The following TYW1 variants were observed in gnomAD, a reference collection of about 807,000 sequenced individuals.
TYW1 encodes the protein S-adenosyl-L-methionine-dependent tRNA 4-demethylwyosine synthase TYW1.
Under a neutral mutation model 96.2 loss-of-function variants are expected in TYW1, and 46 were observed. The ratio of observed to expected loss-of-function variants is 0.48; its 90% confidence interval spans 0.38 to 0.61. TYW1 has a LOEUF of 0.61. Among genes scored for constraint, TYW1 ranks in the 20% least tolerant of loss-of-function variants. The probability of loss-of-function intolerance (pLI) is 0.00; values close to 1 mark genes in which losing one functional copy is unlikely to be tolerated. For synonymous variants in TYW1, 274 were observed against 323.0 expected, an observed-to-expected ratio of 0.85 and a Z score of 1.63; for missense variants, 684 against 909.6, an observed-to-expected ratio of 0.75 and a Z score of 3.19.
At chr7:67,118,681 G>A (rs1040989009) in intron 13 of TYW1, among the ~76,000 whole-genome samples, 3 of 151,722 alleles carry the variant, frequency 2.0e-5, no homozygotes, top group Admixed American at 2.0e-4. Context: ...GATCACTTGA[G>A]GTCAGGAGTT....
chr7:67,218,362 T>A, intron 15 of TYW1, among the ~76,000 whole-genome samples: 1 of 81,738 alleles, frequency 1.2e-5, no homozygotes, highest in Non-Finnish European at 2.6e-5. Context: ...TTTATTTATT[T>A]TTTTTTTTTG....
At chr7:67,067,932 T>A (rs1357770099) in intron 10 of TYW1, among the ~76,000 whole-genome samples, 1 of 152,172 alleles carries the variant, frequency 6.6e-6, no homozygotes, top group Admixed American at 6.5e-5. Flanking sequence ...TTGGGAATAG[T>A]TTAAGTGAAA....
At chr7:66,998,252 A>T (rs1793262964) in intron 2 of TYW1, 57 bp downstream of exon 2, 1 of 1,549,854 alleles carries the variant, frequency 6.5e-7, no homozygotes, top group Non-Finnish European at 8.6e-7. Context: ...TTTATAGAGG[A>T]TTTAAATACT....
At chr7:67,060,034 A>C (rs1374276787) in intron 9 of TYW1, among the ~76,000 whole-genome samples, 1 of 150,112 alleles carries the variant, frequency 6.7e-6, no homozygotes, top group Non-Finnish European at 1.5e-5. Context: ...TGGCCTCCCA[A>C]AGTTCTGGGA....
At position 67,018,132 on chromosome 7, in the gene TYW1, A is replaced by G. The variant is rs1247379072; in HGVS notation, c.850A>G (p.Arg284Gly). 2 of 1,613,424 alleles carry G rather than the reference A, an allele frequency of 1.2e-6. No individual in the cohort carries two copies. The highest frequency in any genetic ancestry group is 1.7e-6 in the Non-Finnish European group (2 of 1,179,564). The change falls in exon 6 of 16, where the codon AGA (arginine) becomes GGA (glycine). Residue 284 changes from arginine (R) to glycine (G), a missense_variant. Arg to Gly is a moderately radical substitution (Grantham distance 125). Transcript: ENST00000359626. ...GSHEQDELHH[R>G]DTEEEEPFES... is the part of the protein sequence containing the mutation. Reference sequence around the variant, plus strand: ...TCATGAGCAGGATGAATTGCATCATAGAGACACCGAGGTATACCGCCTGTG... The same window carrying G: ...TCATGAGCAGGATGAATTGCATCATGGAGACACCGAGGTATACCGCCTGTG...
At chr7:67,186,507 T>G (rs1800029326) in intron 14 of TYW1, among the ~76,000 whole-genome samples, 1 of 152,172 alleles carries the variant, frequency 6.6e-6, no homozygotes, top group South Asian at 2.1e-4. Context: ...TTTGTTTTTC[T>G]GAGACAGTCT....
intron 13 of TYW1, among the ~76,000 whole-genome samples, chr7:67,129,674 C>T (rs1798004798): frequency 6.6e-6 from 1 of 152,188 alleles, no homozygotes; most frequent in South Asian, 2.1e-4. Flanking sequence ...TTTCTTGCTG[C>T]ATTGGAAACT....
chr7:67,006,543 G>A (rs1013228572), intron 3 of TYW1, among the ~76,000 whole-genome samples: 5 of 148,714 alleles, frequency 3.4e-5, no homozygotes, highest in Non-Finnish European at 7.4e-5. Flanking sequence ...AGGCTCAAGC[G>A]ATCCTTCCAC....
At chr7:67,150,492 G>A (rs1798760984) in intron 13 of TYW1, among the ~76,000 whole-genome samples, 2 of 152,192 alleles carry the variant, frequency 1.3e-5, no homozygotes, top group Admixed American at 1.3e-4. Context: ...CAAGTTTGAA[G>A]AATTAAGCTC....
chr7:67,150,986 C>T (rs1189822489), intron 13 of TYW1, among the ~76,000 whole-genome samples: 1 of 152,198 alleles, frequency 6.6e-6, no homozygotes, highest in Non-Finnish European at 1.5e-5. Flanking sequence ...ACCAGACCTC[C>T]CTAGAATTCA....
intron 15 of TYW1, among the ~76,000 whole-genome samples, chr7:67,219,756 G>A (rs2116414092): frequency 6.7e-6 from 1 of 148,296 alleles, no homozygotes; most frequent in East Asian, 2.0e-4. Context: ...GGTAATTCGA[G>A]TCTTATTTCT....
intron 14 of TYW1, among the ~76,000 whole-genome samples, chr7:67,188,949 A>G (rs906290869): frequency 3.9e-5 from 6 of 152,218 alleles, no homozygotes; most frequent in African/African-American, 1.4e-4. Context: ...ATGTATGTGT[A>G]TGTGTGTGCA....
At chr7:67,121,840 A>T (rs1339484332) in intron 13 of TYW1, among the ~76,000 whole-genome samples, 1 of 151,080 alleles carries the variant, frequency 6.6e-6, no homozygotes, top group African/African-American at 2.5e-5. Context: ...ACATTTCCAG[A>T]TCTTTATCCT....
chr7:67,006,129 C>T (rs559358775), intron 3 of TYW1, among the ~76,000 whole-genome samples: 60 of 152,208 alleles, frequency 3.9e-4, no homozygotes, highest in African/African-American at 1.3e-3. Context: ...TGGGGCTTGG[C>T]GGGAGGTGCT....
At chr7:67,180,699 G>A (rs571873916) in intron 13 of TYW1, among the ~76,000 whole-genome samples, 1 of 152,014 alleles carries the variant, frequency 6.6e-6, no homozygotes, top group East Asian at 1.9e-4. Flanking sequence ...CTGGAGTGCA[G>A]TGGTGCAGTC....
chr7:67,036,954 T>A (rs1431031835), intron 7 of TYW1, among the ~76,000 whole-genome samples: 2 of 152,158 alleles, frequency 1.3e-5, no homozygotes, highest in Non-Finnish European at 2.9e-5. Flanking sequence ...GGGCCCATCC[T>A]GGGAGGGCTG....
Position 67,028,118 on chromosome 7 carries a change from A to C in TYW1, c.984+3096A>C, listed in dbSNP as rs546219567. Among the ~76,000 whole-genome samples the C allele has an allele frequency of 2.9e-4, 44 of 151,524 alleles. No homozygotes were observed. In the South Asian group the frequency reaches 9.2e-3, roughly 32 times the overall value. On this transcript the variant is annotated intron_variant, in intron 7 of 15. Coordinates refer to ENST00000359626, the MANE Select transcript of TYW1 (RefSeq NM_018264.4). Reference sequence around the variant, plus strand: ...GCTGGGCATAGTGGCGCATATCTGTAGTCCCAGCTACTTGGGAGGCTAAGG... The same window carrying C: ...GCTGGGCATAGTGGCGCATATCTGTCGTCCCAGCTACTTGGGAGGCTAAGG...
intron 6 of TYW1, among the ~76,000 whole-genome samples, chr7:67,023,057 T>C (rs775290168): frequency 2.0e-5 from 3 of 152,186 alleles, no homozygotes; most frequent in Non-Finnish European, 4.4e-5. Flanking sequence ...TTGGCCAGCA[T>C]ATGAAGGTTA....
At chr7:67,006,396 C>CT (rs1312042061) in intron 3 of TYW1, among the ~76,000 whole-genome samples, 5 of 146,128 alleles carry the variant, frequency 3.4e-5, no homozygotes, top group Admixed American at 6.9e-5. Context: ...AATTAAATGT[C>CT]TTTTTTTTAT....
Sources: gnomAD v4.1 joint callset for allele counts (sites outside exome capture counted in the v4.1 genomes callset) on GRCh38, gnomAD v4.1.1 for gene constraint, MANE v1.5 for transcripts, NCBI Gene and HGNC (gene_info 2026-07-23, HGNC 2026-07-21) for gene names.